The following PUM3 variants were observed in gnomAD, a reference collection of about 807,000 sequenced individuals.
The protein encoded by PUM3 is pumilio RNA binding family member 3.
Under a neutral mutation model 84.0 loss-of-function variants are expected in PUM3, and 91 were observed. That is an observed-to-expected ratio of 1.08 (90% CI 0.91 to 1.29). The LOEUF (loss-of-function observed/expected upper bound fraction) is 1.29. PUM3 is among the 50% of genes most tolerant of loss of function. The pLI is 0.00. For missense variants in PUM3, 1,067 were observed against 767.5 expected, an observed-to-expected ratio of 1.39 and a Z score of -4.61; for synonymous variants, 321 against 266.7, an observed-to-expected ratio of 1.20 and a Z score of -1.98.
intron 4 of PUM3, 110 bp from the exon 5 acceptor site, chr9:2,833,542 T>A: frequency 1.8e-6 from 1 of 562,726 alleles, no homozygotes; most frequent in Non-Finnish European, 3.0e-6. Context: ...ATGATTTTCT[T>A]TTCTAAGGCA....
At chr9:2,828,452 A>C (rs983683227) in intron 9 of PUM3, 1 of 443,150 alleles carries the variant, frequency 2.3e-6, no homozygotes, top group African/African-American at 2.0e-5. Flanking sequence ...AAAGCTCATA[A>C]ATCACGAATG....
At chr9:2,821,405 C>T (rs13440048) in intron 12 of PUM3, among the ~76,000 whole-genome samples, 12 of 135,950 alleles carry the variant, frequency 8.8e-5, no homozygotes, top group Admixed American at 2.4e-4. Context: ...GATCGCGCCA[C>T]GGCACTCCAG....
chr9:2,841,003 T>C (rs921214746), intron 1 of PUM3, among the ~76,000 whole-genome samples: 1 of 152,234 alleles, frequency 6.6e-6, no homozygotes, highest in African/African-American at 2.4e-5. Context: ...CCTATATTTA[T>C]TTTTATATCT....
chr9:2,824,691 A>T (rs1268582475), intron 11 of PUM3, 26 bp downstream of exon 11: 2 of 1,450,592 alleles, frequency 1.4e-6, no homozygotes, highest in Non-Finnish European at 1.9e-6. Context: ...TGTACAGTTT[A>T]AATGCCCAAG....
At chr9:2,828,164 C>G (rs1356225669) in intron 9 of PUM3, among the ~76,000 whole-genome samples, 1 of 152,206 alleles carries the variant, frequency 6.6e-6, no homozygotes, top group African/African-American at 2.4e-5. Context: ...CTCTCAGCCT[C>G]CCAAGTAGCC....
intron 1 of PUM3, among the ~76,000 whole-genome samples, chr9:2,842,560 T>C (rs1233136130): frequency 6.6e-6 from 1 of 152,190 alleles, no homozygotes; most frequent in African/African-American, 2.4e-5. Flanking sequence ...CATTTTCTTA[T>C]AGACCAACCT....
chr9:2,825,514 G>C (rs975851196), intron 10 of PUM3, among the ~76,000 whole-genome samples: 26 of 150,746 alleles, frequency 1.7e-4, no homozygotes, highest in Non-Finnish European at 1.5e-5. Flanking sequence ...ACGGAGTCTT[G>C]CTCTGTCACC....
chr9:2,807,864 C>T lies in PUM3; in HGVS notation c.1764G>A (p.Lys588=), dbSNP rs1363434044. The change falls in exon 17 of 18, where the codon AAG becomes AAA. Residue 588 remains lysine (K), a synonymous_variant. Transcript: ENST00000397885. ...AKTLVEHVGM[K]NLKSWASVNR... Reference sequence around the variant, plus strand: ...TTACACTAGCCCAGGACTTCAGGTTCTTCATACCAACATGCTCTACAAGTG... The same window carrying T: ...TTACACTAGCCCAGGACTTCAGGTTTTTCATACCAACATGCTCTACAAGTG... The T allele has an allele frequency of 6.8e-6, 11 of 1,613,706 alleles. No individual in the cohort carries two copies. Among genetic ancestry groups the T allele is most frequent in the Non-Finnish European group, 8.5e-6 (10 of 1,179,844 alleles).
At chr9:2,839,105 G>A (rs1055595879) in intron 1 of PUM3, among the ~76,000 whole-genome samples, 8 of 152,196 alleles carry the variant, frequency 5.3e-5, no homozygotes, top group African/African-American at 1.7e-4. Flanking sequence ...AAAATAAGAT[G>A]TTGAAATAGT....
chr9:2,838,711 C>A (rs923116129), intron 1 of PUM3, among the ~76,000 whole-genome samples, 194 bp from the exon 2 acceptor site: 1 of 152,032 alleles, frequency 6.6e-6, no homozygotes, highest in Non-Finnish European at 1.5e-5. Context: ...TGAAAATGAA[C>A]AAGGTATCAA....
At position 2,808,752 on chromosome 9, in the gene PUM3, C is replaced by A. The variant is rs1281102830; in HGVS notation, c.1724-848G>T. 2.0e-5 allele frequency among the ~76,000 whole-genome samples: 3 copies of A among 152,200 alleles called. No individual in the cohort carries two copies. In the East Asian group the frequency reaches 5.8e-4, roughly 29 times the overall value. ...TTTCCAAAGCTGACCACAATAATAT[C>A]TCCTGTCCTGTGTGCTCTTCTAGAA... On this transcript the variant is annotated intron_variant, in intron 16 of 17. Transcript: ENST00000397885.
chr9:2,811,527 A>G lies in PUM3; in HGVS notation c.1469T>C (p.Leu490Ser), dbSNP rs748083630. Residue 490 changes from leucine to serine, a missense_variant, in exon 15 of 18, where the codon TTG (leucine) becomes TCG (serine). Physicochemically the swap from Leu to Ser is moderately radical, Grantham distance 145. Transcript: ENST00000397885. ...GGCGTGTTCTTGCAGGTAGCTTAACAAAGCTGGAGAAATGGATTCTAGGAG... is the reference window on the plus strand; with the variant it reads ...GGCGTGTTCTTGCAGGTAGCTTAACGAAGCTGGAGAAATGGATTCTAGGAG... ...RELLESISPA[L>S]LSYLQEHAQE... 1.1e-4 allele frequency: 174 copies of G among 1,614,056 alleles called. No homozygotes were observed. The highest frequency in any genetic ancestry group is 2.2e-4 in the East Asian group (10 of 44,884).
In PUM3 at chr9:2,810,404, G is replaced by A. The variant is rs560961975; in HGVS notation, c.1663C>T (p.His555Tyr). Reference protein sequence around the residue: ...ELHIAEHPAGHLVLKWLIEQD... With the variant: ...ELHIAEHPAGYLVLKWLIEQD... ...TCTATTAACCACTTCAGAACTAGATGTCCTGCAGGATGTTCTGCAATGTGA... is the reference window on the plus strand; with the variant it reads ...TCTATTAACCACTTCAGAACTAGATATCCTGCAGGATGTTCTGCAATGTGA... The change falls in exon 16 of 18, where the codon CAT (histidine) becomes TAT (tyrosine). Residue 555 changes from histidine to tyrosine, a missense_variant. His to Tyr is a moderately conservative substitution (Grantham distance 83, BLOSUM62 2). Transcript: ENST00000397885. 1.9e-6 allele frequency: 3 copies of A among 1,611,344 alleles called. No individual in the cohort carries two copies. The African/African-American group carries it at 4.0e-5, about 22-fold the overall frequency.
intron 14 of PUM3, 139 bp from the exon 15 acceptor site, chr9:2,811,722 G>C (rs1183914871): frequency 1.7e-5 from 11 of 643,134 alleles, no homozygotes; most frequent in Non-Finnish European, 3.0e-5. Flanking sequence ...TGTTAAGCAT[G>C]TAGACAATAA....
chr9:2,827,393 G>A (rs1462327052), intron 9 of PUM3, among the ~76,000 whole-genome samples: 5 of 151,944 alleles, frequency 3.3e-5, no homozygotes, highest in Non-Finnish European at 4.4e-5. Context: ...GTATTTAATC[G>A]GCAAACATAA....
At chr9:2,811,224 C>T (rs887383630) in intron 15 of PUM3, 137 bp downstream of exon 15, 2 of 677,360 alleles carry the variant, frequency 3.0e-6, no homozygotes, top group African/African-American at 1.8e-5. Flanking sequence ...AATGTAATTG[C>T]TGCTGTGAGA....
In PUM3 at chr9:2,831,303, G is replaced by GT. The variant is rs1295537015; in HGVS notation, c.557dup (p.Tyr186Ter). The change falls in exon 6 of 18, where the codon TAC becomes TAAC. Residue 186 changes from tyrosine (Y) to a stop codon, truncating the protein, a stop_gained and frameshift_variant. Coordinates refer to ENST00000397885, the MANE Select transcript of PUM3 (RefSeq NM_014878.5). LOFTEE classifies it high-confidence loss of function. ...TCTGTTCTTCATTACCATACTGAAT[G>GT]TAACACTGGATCACACGAGTTGAAT... ...AHDSTRVIQC[Y>*]IQYGNEEQRK... The GT allele has an allele frequency of 1.2e-6, 2 of 1,610,966 alleles. No homozygotes were observed. The highest frequency in any genetic ancestry group is 1.7e-6 in the Non-Finnish European group (2 of 1,178,792).
chr9:2,823,811 T>C lies in PUM3; in HGVS notation c.1158A>G (p.Thr386=). 6.5e-7 allele frequency: 1 copy of C among 1,529,908 alleles called. No individual in the cohort carries two copies. Among genetic ancestry groups the C allele is most frequent in the African/African-American group, 1.4e-5 (1 of 73,072 alleles). 94.8% of individuals were successfully genotyped at this position (1,529,908 alleles called of 1,614,324 possible). A position where few individuals can be genotyped will look rare whatever the true frequency, so the allele number is the denominator to read the frequency against. Residue 386 remains threonine (T), a synonymous_variant, in exon 12 of 18, where the codon ACA becomes ACG. Transcript: ENST00000397885. The stretch of plus-strand genomic sequence containing the variant: ...CCACCTTTTCAACATAAGTCTTCAT[T>C]GTTTTCACAATCACTTTCCTGTCCT... ...TPKDRKVIVK[T]MKTYVEKVAN...
intron 1 of PUM3, among the ~76,000 whole-genome samples, chr9:2,842,915 CAAGT>C (rs1816306759): frequency 6.6e-6 from 1 of 152,160 alleles, no homozygotes; most frequent in African/African-American, 2.4e-5. Context: ...CTTTACTGCT[CAAGT>C]AAGAAATCTG....
Sources: allele counts gnomAD v4.1 joint callset (sites outside exome capture counted in the v4.1 genomes callset), GRCh38; gene constraint gnomAD v4.1.1; transcripts MANE v1.5; gene names NCBI Gene and HGNC (gene_info 2026-07-23, HGNC 2026-07-21).